CHD5: variants seen among roughly 807,000 people sequenced by gnomAD.
CHD5 encodes chromodomain helicase DNA binding protein 5, also known as ATP-dependent chromatin remodeler CHD5.
CHD5 carries 69 observed loss-of-function variants against 230.3 expected under a neutral mutation model. That is an observed-to-expected ratio of 0.30 (90% CI 0.25 to 0.37). The LOEUF is 0.37. Ranked by LOEUF, CHD5 falls within the 10% of genes least tolerant of loss-of-function variation. The pLI is 1.00. For missense variants in CHD5, 1,827 were observed against 2,622.8 expected (o/e 0.70, Z 6.63); for synonymous variants, 1,064 against 1,065.9 (o/e 1.00, Z 0.03).
In CHD5 at chr1:6,121,947, A is replaced by T. The variant is rs1666479129; in HGVS notation, c.4700-374T>A. Among the ~76,000 whole-genome samples, 1 of 152,306 alleles carries T rather than the reference A, an allele frequency of 6.6e-6. No homozygotes were observed. The highest frequency in any genetic ancestry group is 2.4e-5 in the African/African-American group (1 of 41,574). On this transcript the variant is annotated intron_variant, in intron 31 of 41. Transcript: ENST00000262450. The surrounding 1 kb of genome is among the most constrained non-coding windows in gnomAD (Gnocchi z 4.5). ...GGCTGGCTGGTGTGTGCCTCTGGAC[A>T]GGGGGTGAATTTCCTCCCTGCCAAG...
intron 5 of CHD5, among the ~76,000 whole-genome samples, chr1:6,152,767 T>A (rs890009800): frequency 3.9e-5 from 6 of 152,220 alleles, no homozygotes; most frequent in Non-Finnish European, 7.3e-5. Flanking sequence ...CTGACCGCCT[T>A]GCTGCCCCTT....
chr1:6,116,601 A>ACAGCAGCCTTCTCAGCTTCT (rs1553137911), intron 33 of CHD5, among the ~76,000 whole-genome samples: 2 of 152,246 alleles, frequency 1.3e-5, no homozygotes, highest in Non-Finnish European at 2.9e-5. Context: ...AATTACACCA[A>ACAGCAGCCTTCTCAGCTTCT]CAGCAGCCTT....
intron 33 of CHD5, among the ~76,000 whole-genome samples, chr1:6,114,136 C>T (rs943743507): frequency 6.6e-5 from 10 of 152,000 alleles, no homozygotes; most frequent in African/African-American, 2.4e-4. Flanking sequence ...GCCTGTAATC[C>T]TAGCTACTCG....
chr1:6,107,660 AATG>A (rs1367862682), intron 38 of CHD5, among the ~76,000 whole-genome samples: 1 of 96,048 alleles, frequency 1.0e-5, no homozygotes, highest in Non-Finnish European at 2.0e-5. Flanking sequence ...ATGATGGAAA[AATG>A]AAGGGATGAT....
intron 38 of CHD5, 62 bp downstream of exon 38, chr1:6,109,733 G>C (rs1557535509): frequency 6.9e-7 from 1 of 1,447,986 alleles, no homozygotes; most frequent in Non-Finnish European, 9.6e-7. Flanking sequence ...CTACAGCCAA[G>C]AGCGCTCGCT....
At chr1:6,113,677 C>T (rs746036078) in intron 33 of CHD5, among the ~76,000 whole-genome samples, 27 of 152,202 alleles carry the variant, frequency 1.8e-4, no homozygotes, top group Non-Finnish European at 4.0e-4. Context: ...GGTCCAACAC[C>T]GTGGTCTCTG....
intron 11 of CHD5, among the ~76,000 whole-genome samples, chr1:6,144,613 T>C (rs1666881837): frequency 6.6e-6 from 1 of 152,218 alleles, no homozygotes; most frequent in South Asian, 2.1e-4. Flanking sequence ...TAGATAAGGA[T>C]GCAATTCCTG....
In CHD5 at chr1:6,174,975, A is replaced by ATGGATGGATGG. The variant is rs1667400409; in HGVS notation, c.79+4959_79+4969dup. On this transcript the variant is annotated intron_variant, in intron 1 of 41. Coordinates refer to ENST00000262450, the MANE Select transcript of CHD5 (RefSeq NM_015557.3). ...TGGATGGATGGATGGTGGATGAAGG[A>ATGGATGGATGG]TGGATGGATGGATGGATGGATGGCA... 3.3e-4 allele frequency among the ~76,000 whole-genome samples: 28 copies of ATGGATGGATGG among 85,182 alleles called. No individual in the cohort carries two copies. The South Asian group carries it at 9.6e-3, about 29-fold the overall frequency. 55.9% of individuals were successfully genotyped at this position (85,182 alleles called of 152,430 possible). A position where few individuals can be genotyped will look rare whatever the true frequency, so the allele number is the denominator to read the frequency against.
At chr1:6,176,045 A>T (rs572138141) in intron 1 of CHD5, among the ~76,000 whole-genome samples, 1 of 152,270 alleles carries the variant, frequency 6.6e-6, no homozygotes, top group Admixed American at 6.5e-5. Flanking sequence ...ATGAACTGAT[A>T]AAATGATAGA....
intron 15 of CHD5, among the ~76,000 whole-genome samples, chr1:6,138,278 G>A (rs763967723): frequency 1.3e-5 from 2 of 152,182 alleles, no homozygotes; most frequent in Non-Finnish European, 2.9e-5. Flanking sequence ...TCAGGAGGCT[G>A]AGGCGGGAGA....
Position 6,111,801 on chromosome 1 carries a change from G to A in CHD5, c.5223C>T (p.Asp1741=). 1.9e-6 allele frequency: 3 copies of A among 1,613,570 alleles called. No individual in the cohort carries two copies. The highest frequency in any genetic ancestry group is 1.7e-6 in the Non-Finnish European group (2 of 1,180,004). Residue 1741 remains aspartate, a synonymous_variant, in exon 36 of 42, where the codon GAC becomes GAT. Transcript: ENST00000262450. ...KIYDIWHRRH[D]YWLLAGIVTH... ...TCACGATGCCCGCCAGCAGCCAGTAGTCATGGCGCCGGTGCCAGATGTCGT... is the reference window on the plus strand; with the variant it reads ...TCACGATGCCCGCCAGCAGCCAGTAATCATGGCGCCGGTGCCAGATGTCGT...
intron 11 of CHD5, 116 bp from the exon 12 acceptor site, chr1:6,144,271 G>C (rs981182543): frequency 1.4e-6 from 2 of 1,421,982 alleles, no homozygotes; most frequent in African/African-American, 2.8e-5. Flanking sequence ...TCGGATGCTG[G>C]GCCCAGCCAG....
At chr1:6,165,264 T>A (rs1667234764) in intron 2 of CHD5, among the ~76,000 whole-genome samples, 1 of 152,154 alleles carries the variant, frequency 6.6e-6, no homozygotes, top group African/African-American at 2.4e-5. Context: ...GGGCTGGTGC[T>A]GTACCCTGAG....
Position 6,142,329 on chromosome 1 carries a change from C to T in CHD5, c.2236-1G>A. 6.2e-7 allele frequency: 1 copy of T among 1,602,226 alleles called. No homozygotes were observed. The highest frequency in any genetic ancestry group is 8.5e-7 in the Non-Finnish European group (1 of 1,170,314). ...CCAGGTAGGGCCCTTTGGAGTGGCCCTGGAGAGAGAGGCCGATGCCGTGAG... is the reference window on the plus strand; with the variant it reads ...CCAGGTAGGGCCCTTTGGAGTGGCCTTGGAGAGAGAGGCCGATGCCGTGAG... On this transcript the variant is annotated splice_acceptor_variant, in intron 14 of 41. Coordinates refer to ENST00000262450, the MANE Select transcript of CHD5 (RefSeq NM_015557.3). LOFTEE classifies it high-confidence loss of function. The surrounding 1 kb of genome is among the most constrained non-coding windows in gnomAD (Gnocchi z 5.2).
chr1:6,165,667 G>A (rs762961305), intron 2 of CHD5, among the ~76,000 whole-genome samples: 10 of 151,604 alleles, frequency 6.6e-5, no homozygotes. Flanking sequence ...CAGCTCCAGA[G>A]CCATCTACCC....
chr1:6,129,118 C>G lies in CHD5; in HGVS notation c.3388-49G>C, dbSNP rs746391072. On this transcript the variant is annotated intron_variant, in intron 22 of 41. Transcript: ENST00000262450. This position sits in a 1 kb window ranked among gnomAD's most constrained non-coding sequence, Gnocchi z 6.8. ...CCCGTGGCTCACCCAGGGCTCCAGG[C>G]AATGGAGGAGATCACACCCATGAGC... The G allele has an allele frequency of 9.7e-6, 13 of 1,334,476 alleles. No individual in the cohort carries two copies. In the East Asian group the frequency reaches 2.3e-4, roughly 24 times the overall value. 82.7% of individuals were successfully genotyped at this position (1,334,476 alleles called of 1,614,324 possible). A position where few individuals can be genotyped will look rare whatever the true frequency, so the allele number is the denominator to read the frequency against.
intron 11 of CHD5, 96 bp from the exon 12 acceptor site, chr1:6,144,251 C>CAGCATCCG: frequency 1.3e-6 from 2 of 1,543,880 alleles, no homozygotes; most frequent in African/African-American, 1.4e-5. Context: ...CATTCACACC[C>CAGCATCCG]AGGGTCCCCT....
chr1:6,143,616 T>C (rs1400049604), intron 13 of CHD5, among the ~76,000 whole-genome samples: 1 of 152,060 alleles, frequency 6.6e-6, no homozygotes, highest in Admixed American at 6.5e-5. Context: ...TCCTCCCAGG[T>C]GAGAGTGGTG....
intron 6 of CHD5, 148 bp from the exon 7 acceptor site, chr1:6,151,303 A>T: frequency 1.1e-6 from 1 of 938,216 alleles, no homozygotes; most frequent in Non-Finnish European, 1.5e-6. Flanking sequence ...CACAGCTGAA[A>T]ACCTCACATT....
Sources: allele counts gnomAD v4.1 joint callset (sites outside exome capture counted in the v4.1 genomes callset), GRCh38; gene constraint gnomAD v4.1.1; non-coding constraint Gnocchi (gnomAD v3.1); transcripts MANE v1.5; gene names NCBI Gene and HGNC (gene_info 2026-07-23, HGNC 2026-07-21).